SLC9B1: variants seen among roughly 807,000 people sequenced by gnomAD.
SLC9B1 encodes the protein solute carrier family 9 member B1, also known as sodium/hydrogen exchanger 9B1.
Under a neutral mutation model 51.7 loss-of-function variants are expected in SLC9B1, and 32 were observed. The observed-to-expected ratio is 0.62, with a 90% confidence interval of 0.47 to 0.83. The LOEUF is 0.83. Among genes scored for constraint, SLC9B1 ranks in the 40% least tolerant of loss-of-function variants. The pLI, the probability that SLC9B1 is intolerant of heterozygous loss-of-function variation, is 0.00. For missense variants in SLC9B1, 406 were observed against 613.2 expected, an observed-to-expected ratio of 0.66 and a Z score of 3.57; for synonymous variants, 145 against 212.7, an observed-to-expected ratio of 0.68 and a Z score of 2.77.
At chr4:102,912,673 G>A (rs752372609) in intron 7 of SLC9B1, among the ~76,000 whole-genome samples, 1 of 152,136 alleles carries the variant, frequency 6.6e-6, no homozygotes, top group African/African-American at 2.4e-5. Context: ...TTGAGCCCAA[G>A]AGTTTGAGAC....
At chr4:102,941,110 T>G (rs1165348574) in intron 6 of SLC9B1, among the ~76,000 whole-genome samples, 2 of 152,076 alleles carry the variant, frequency 1.3e-5, no homozygotes, top group Non-Finnish European at 2.9e-5. Flanking sequence ...CACTTTATGA[T>G]GAAGACGCCA....
intron 3 of SLC9B1, among the ~76,000 whole-genome samples, chr4:102,986,824 C>A (rs763407552): frequency 7.2e-5 from 11 of 152,162 alleles, no homozygotes; most frequent in Admixed American, 1.3e-4. Flanking sequence ...CTCTTTCTTA[C>A]AATTTTCATC....
chr4:103,000,989 C>A lies in SLC9B1; in HGVS notation c.-1-9277G>T, dbSNP rs577397464. The stretch of plus-strand genomic sequence containing the variant: ...GCTCCACCCCTGTACCAAACTTCTG[C>A]CTGGGCATCCAGTCATTTCCATACA... On this transcript the variant is annotated intron_variant, in intron 1 of 11. Transcript: ENST00000296422. Among the ~76,000 whole-genome samples the A allele has an allele frequency of 2.6e-5, 4 of 152,334 alleles. No homozygotes were observed. In the East Asian group the frequency reaches 7.7e-4, roughly 29 times the overall value.
At chr4:102,998,233 T>C (rs1333425806) in intron 1 of SLC9B1, among the ~76,000 whole-genome samples, 1 of 152,186 alleles carries the variant, frequency 6.6e-6, no homozygotes, top group Non-Finnish European at 1.5e-5. Flanking sequence ...TGAATGTGAA[T>C]ATTCTAGGTA....
At chr4:102,972,226 A>G (rs1005623871) in intron 3 of SLC9B1, among the ~76,000 whole-genome samples, 1 of 152,250 alleles carries the variant, frequency 6.6e-6, no homozygotes, top group African/African-American at 2.4e-5. Context: ...ATGAACATCA[A>G]TGCAAAAATC....
chr4:102,929,522 A>T (rs377191736), intron 7 of SLC9B1, among the ~76,000 whole-genome samples: 3 of 142,848 alleles, frequency 2.1e-5, no homozygotes, highest in South Asian at 4.6e-4. Flanking sequence ...AGGAAGAGGA[A>T]TTTTTTTTTT....
intron 1 of SLC9B1, among the ~76,000 whole-genome samples, chr4:102,993,077 T>C (rs1578406938): frequency 1.7e-5 from 2 of 115,614 alleles, no homozygotes; most frequent in East Asian, 5.0e-4. Flanking sequence ...AGACAAATCA[T>C]ATCATTCTGC....
intron 11 of SLC9B1, chr4:102,885,543 G>A: frequency 2.4e-6 from 2 of 816,964 alleles, no homozygotes; most frequent in Non-Finnish European, 4.1e-6. Context: ...GTAATATTTG[G>A]TATTGAAAGA....
intron 6 of SLC9B1, among the ~76,000 whole-genome samples, chr4:102,939,845 G>T (rs1736905104): frequency 6.6e-6 from 1 of 152,076 alleles, no homozygotes; most frequent in African/African-American, 2.4e-5. Context: ...GTTACTGAAG[G>T]AGCATACCTC....
chr4:102,980,839 T>C (rs1345580017), intron 3 of SLC9B1, among the ~76,000 whole-genome samples: 16 of 152,190 alleles, frequency 1.1e-4, no homozygotes, highest in Admixed American at 1.0e-3. Context: ...AAACCTATAT[T>C]AACACATCAT....
intron 7 of SLC9B1, among the ~76,000 whole-genome samples, chr4:102,920,452 T>C (rs1263916696): frequency 2.6e-5 from 4 of 152,078 alleles, no homozygotes. Flanking sequence ...AGGATAGGGA[T>C]AAACCAGAGC....
chr4:102,923,802 C>T (rs1736010446), intron 7 of SLC9B1, among the ~76,000 whole-genome samples: 1 of 152,152 alleles, frequency 6.6e-6, no homozygotes, highest in African/African-American at 2.4e-5. Flanking sequence ...AACTCCCATT[C>T]ACAATTGCTT....
intron 7 of SLC9B1, among the ~76,000 whole-genome samples, chr4:102,931,890 T>C (rs1736477949): frequency 6.6e-6 from 1 of 152,274 alleles, no homozygotes; most frequent in East Asian, 1.9e-4. Context: ...TAATATGGTT[T>C]ATCAAATTAA....
intron 3 of SLC9B1, among the ~76,000 whole-genome samples, chr4:102,985,539 CTT>C (rs56258175): frequency 1.0e-4 from 15 of 149,824 alleles, no homozygotes; most frequent in African/African-American, 2.4e-4. Context: ...ATTTTCTTTT[CTT>C]TTTTTTTTTC....
chr4:102,976,585 A>G (rs1252351331), intron 3 of SLC9B1, among the ~76,000 whole-genome samples: 2 of 152,236 alleles, frequency 1.3e-5, no homozygotes, highest in African/African-American at 2.4e-5. Context: ...TTAAAATGGC[A>G]TAAGTGCCAA....
Position 102,989,846 on chromosome 4 carries a change from G to T in SLC9B1, c.165C>A (p.Tyr55Ter). The stretch of plus-strand genomic sequence containing the variant: ...ATACTCCTCTTAGAGGACAAGAAAT[G>T]TATGTCTCCTTTTTTGTCTGTGGTT... ...EIKPQTKKET[Y>*]ISCPLRGVLN... Residue 55 changes from tyrosine to a stop codon, truncating the protein, a stop_gained, in exon 3 of 12, where the codon TAC becomes TAA. Transcript: ENST00000296422. LOFTEE classifies it high-confidence loss of function. 6.2e-7 allele frequency: 1 copy of T among 1,602,558 alleles called. No homozygotes were observed. The highest frequency in any genetic ancestry group is 8.5e-7 in the Non-Finnish European group (1 of 1,172,286).
chr4:102,976,288 T>C (rs1203587758), intron 3 of SLC9B1, among the ~76,000 whole-genome samples: 1 of 152,244 alleles, frequency 6.6e-6, no homozygotes, highest in African/African-American at 2.4e-5. Flanking sequence ...CGTAATATTC[T>C]AGGTCTTGAA....
intron 11 of SLC9B1, among the ~76,000 whole-genome samples, chr4:102,893,323 G>T (rs1246708667): frequency 3.5e-5 from 3 of 86,750 alleles, no homozygotes; most frequent in African/African-American, 1.5e-4. Flanking sequence ...AAAAAAGAAA[G>T]ATTCACTTTG....
intron 6 of SLC9B1, among the ~76,000 whole-genome samples, chr4:102,936,609 CA>C (rs549873314): frequency 9.9e-4 from 151 of 152,226 alleles, no homozygotes; most frequent in African/African-American, 3.3e-3. Flanking sequence ...TTTCATAATA[CA>C]ATAACAAGTA....
Sources: gnomAD v4.1 joint callset for allele counts (sites outside exome capture counted in the v4.1 genomes callset) on GRCh38, gnomAD v4.1.1 for gene constraint, MANE v1.5 for transcripts, NCBI Gene and HGNC (gene_info 2026-07-23, HGNC 2026-07-21) for gene names.